RNF38: variants seen among roughly 807,000 people sequenced by gnomAD.
The protein encoded by RNF38 is ring finger protein 38.
A neutral mutation model predicts 67.2 loss-of-function variants in RNF38; 15 were observed. The ratio of observed to expected loss-of-function variants is 0.22; its 90% confidence interval spans 0.15 to 0.34. The LOEUF (loss-of-function observed/expected upper bound fraction) is 0.34, where lower values mean the gene tolerates loss of function less well. Ranked by LOEUF, RNF38 falls within the 10% of genes least tolerant of loss-of-function variation. The pLI is 1.00. For missense variants in RNF38, 524 were observed against 639.9 expected, an observed-to-expected ratio of 0.82 and a Z score of 1.95; for synonymous variants, 220 against 218.8, an observed-to-expected ratio of 1.01 and a Z score of -0.05.
At chr9:36,436,672 CATT>C (rs199561295) in intron 1 of RNF38, among the ~76,000 whole-genome samples, 5,897 of 151,706 alleles carry the variant, frequency 0.039, 354 homozygotes, top group African/African-American at 0.13. Context: ...AAATACAAAA[CATT>C]AGCCGGGCGT....
rs769144529 is a variant in RNF38, at chr9:36,353,162, A to G, written c.1071+8T>C. The G allele has an allele frequency of 1.1e-5, 17 of 1,612,326 alleles. No homozygotes were observed. In the African/African-American group the frequency reaches 2.0e-4, roughly 19 times the overall value. Reference sequence around the variant, plus strand: ...AAGTAATTAACATAGTACTCTGTGAAAACTTACTACTCCAAAGGACACCTC... The same window carrying G: ...AAGTAATTAACATAGTACTCTGTGAGAACTTACTACTCCAAAGGACACCTC... On this transcript the variant is annotated splice_region_variant and intron_variant, in intron 7 of 11. Transcript: ENST00000259605.
At chr9:36,461,575 A>G (rs571571779) in intron 1 of RNF38, among the ~76,000 whole-genome samples, 5 of 152,188 alleles carry the variant, frequency 3.3e-5, no homozygotes, top group Non-Finnish European at 7.3e-5. Context: ...CTATGCAGAG[A>G]AAAAAATTGG....
intron 1 of RNF38, among the ~76,000 whole-genome samples, chr9:36,434,253 G>A (rs1839005301): frequency 7.6e-6 from 1 of 130,726 alleles, no homozygotes; most frequent in South Asian, 2.8e-4. Context: ...GAAGGGAGGG[G>A]AGGGGAGAGG....
chr9:36,433,200 C>A (rs964143416), intron 1 of RNF38, among the ~76,000 whole-genome samples: 1 of 151,090 alleles, frequency 6.6e-6, no homozygotes, highest in Non-Finnish European at 1.5e-5. Context: ...AGAGTAAGAT[C>A]TAGTATCTGA....
At chr9:36,421,383 G>C (rs1030592518) in intron 2 of RNF38, among the ~76,000 whole-genome samples, 30 of 152,192 alleles carry the variant, frequency 2.0e-4, no homozygotes, top group African/African-American at 7.0e-4. Context: ...GCAGGTTGGG[G>C]CCAGGCATGG....
chr9:36,485,758 C>A (rs1251648481), intron 1 of RNF38, among the ~76,000 whole-genome samples: 1 of 152,134 alleles, frequency 6.6e-6, no homozygotes, highest in African/African-American at 2.4e-5. Context: ...AAGGAATCAT[C>A]TTGGACAAAG....
chr9:36,386,908 T>C (rs771176187), intron 2 of RNF38, among the ~76,000 whole-genome samples: 2 of 152,214 alleles, frequency 1.3e-5, no homozygotes, highest in Non-Finnish European at 2.9e-5. Context: ...ATTCAAGCGA[T>C]TCTTGTGTCT....
chr9:36,471,654 C>A (rs1840001017), intron 1 of RNF38, among the ~76,000 whole-genome samples: 3 of 152,342 alleles, frequency 2.0e-5, no homozygotes, highest in Admixed American at 2.0e-4. Flanking sequence ...ACAAAACTCA[C>A]CCTGTCAATT....
intron 1 of RNF38, among the ~76,000 whole-genome samples, chr9:36,439,313 G>C (rs2134290786): frequency 6.6e-6 from 1 of 152,292 alleles, no homozygotes; most frequent in East Asian, 1.9e-4. Context: ...CAGTAAGACA[G>C]GCTTGAGTTT....
chr9:36,470,246 C>T (rs1839965593), intron 1 of RNF38, among the ~76,000 whole-genome samples: 1 of 152,182 alleles, frequency 6.6e-6, no homozygotes, highest in South Asian at 2.1e-4. Flanking sequence ...ACTTTCTTCA[C>T]CATCACCTGA....
chr9:36,445,765 CAGCTGATATCAAGG>C (rs1435739461), intron 1 of RNF38, among the ~76,000 whole-genome samples: 1 of 152,214 alleles, frequency 6.6e-6, no homozygotes, highest in Non-Finnish European at 1.5e-5. Flanking sequence ...TTCAGATTGC[CAGCTGATATCAAGG>C]AGTGTCACAA....
intron 1 of RNF38, among the ~76,000 whole-genome samples, chr9:36,445,656 A>G (rs1839283099): frequency 6.6e-6 from 1 of 152,220 alleles, no homozygotes; most frequent in South Asian, 2.1e-4. Flanking sequence ...TGAAGGGTAG[A>G]GAGAACTAGC....
intron 1 of RNF38, among the ~76,000 whole-genome samples, chr9:36,434,327 G>A (rs1839010056): frequency 8.6e-6 from 1 of 116,158 alleles, no homozygotes; most frequent in East Asian, 3.3e-4. Context: ...GGGGGATGGG[G>A]GAAGGAGGAG....
In RNF38 at chr9:36,448,211, T is replaced by C. The variant is rs558027828; in HGVS notation, n.242-23528A>G. ...AAACCAACCATATCCCTGCAGCCAC[T>C]ATGTTTGTATTCATTGTGATAAACT... On this transcript the variant is annotated intron_variant and non_coding_transcript_variant, in intron 1 of 3. Coordinates refer to the RNF38 transcript ENST00000488058. Among the ~76,000 whole-genome samples the C allele has an allele frequency of 2.6e-5, 4 of 152,220 alleles. No homozygotes were observed. In the South Asian group the frequency reaches 6.2e-4, roughly 24 times the overall value.
chr9:36,401,235 C>G (rs1002525201), upstream of RNF38: 392 of 978,032 alleles, frequency 4.0e-4, 3 homozygotes, highest in Middle Eastern at 5.2e-4. Flanking sequence ...GCGCGCGGCC[C>G]GGCGCACGAC....
At chr9:36,411,415 G>C (rs1301709338) in intron 2 of RNF38, among the ~76,000 whole-genome samples, 1 of 152,062 alleles carries the variant, frequency 6.6e-6, no homozygotes, top group East Asian at 1.9e-4. Flanking sequence ...TTCCACTTCT[G>C]GGTATATACC....
chr9:36,364,853 G>A (rs1834825363), intron 4 of RNF38, among the ~76,000 whole-genome samples: 1 of 152,186 alleles, frequency 6.6e-6, no homozygotes, highest in Non-Finnish European at 1.5e-5. Context: ...AAATATCTAG[G>A]TGATGCTGCT....
intron 2 of RNF38, among the ~76,000 whole-genome samples, chr9:36,385,626 G>A (rs981109794): frequency 1.3e-5 from 2 of 152,024 alleles, no homozygotes; most frequent in Non-Finnish European, 2.9e-5. Context: ...TGATCCACCC[G>A]CCTCAGCCTC....
chr9:36,477,603 C>T (rs1473527504), intron 1 of RNF38, among the ~76,000 whole-genome samples: 1 of 151,568 alleles, frequency 6.6e-6, no homozygotes, highest in African/African-American at 2.4e-5. Context: ...AGGCGGATCA[C>T]GAGGTCAGGA....
Sources: allele counts gnomAD v4.1 joint callset (sites outside exome capture counted in the v4.1 genomes callset), GRCh38; gene constraint gnomAD v4.1.1; transcripts MANE v1.5; gene names NCBI Gene and HGNC (gene_info 2026-07-23, HGNC 2026-07-21).